NRG1: variants seen among roughly 807,000 people sequenced by gnomAD.
NRG1 encodes the protein pro-neuregulin-1, membrane-bound isoform.
In NRG1, 18 loss-of-function variants were observed where a neutral mutation model predicts 63.8. The observed-to-expected ratio is 0.28, with a 90% CI of 0.19 to 0.42. NRG1 has a LOEUF of 0.42. Among genes scored for constraint, NRG1 ranks in the 10% least tolerant of loss-of-function variants. NRG1 has a pLI of 1.00. For synonymous variants in NRG1, 302 were observed against 301.3 expected, an observed-to-expected ratio of 1.00 and a Z score of -0.02; for missense variants, 762 against 814.7, an observed-to-expected ratio of 0.94 and a Z score of 0.79.
chr8:32,341,354 G>C (rs1433528349), intron 1 of NRG1, among the ~76,000 whole-genome samples: 1 of 152,188 alleles, frequency 6.6e-6, no homozygotes. Context: ...CTTTGGCAGA[G>C]AAGAGAGAGG....
At chr8:32,664,057 T>A (rs1803529739) in intron 5 of NRG1, among the ~76,000 whole-genome samples, 1 of 152,306 alleles carries the variant, frequency 6.6e-6, no homozygotes, top group South Asian at 2.1e-4. Context: ...GTGTGTTTTA[T>A]ATTATGAATT....
intron 1 of NRG1, among the ~76,000 whole-genome samples, chr8:32,015,607 C>T (rs1049489148): frequency 6.6e-6 from 1 of 152,126 alleles, no homozygotes; most frequent in African/African-American, 2.4e-5. Context: ...CTGAAGGTGA[C>T]ACTTGTGCGC....
intron 1 of NRG1, among the ~76,000 whole-genome samples, chr8:31,751,110 C>T (rs1472766367): frequency 2.6e-5 from 4 of 151,954 alleles, no homozygotes; most frequent in Admixed American, 2.0e-4. Context: ...CTTACACAAT[C>T]ATAGGAGGTG....
chr8:32,585,211 A>G (rs916527798), intron 1 of NRG1, among the ~76,000 whole-genome samples: 1 of 151,678 alleles, frequency 6.6e-6, no homozygotes, highest in East Asian at 1.9e-4. Flanking sequence ...TAAGAAAAAA[A>G]TCCTGTTTTA....
chr8:32,155,284 G>A (rs114425435), intron 1 of NRG1, among the ~76,000 whole-genome samples: 3,052 of 152,204 alleles, frequency 0.02, 100 homozygotes, highest in African/African-American at 0.07. Context: ...GCTCCACAAA[G>A]AGACTAGATC....
At chr8:32,298,442 A>G (rs1286213851) in intron 1 of NRG1, among the ~76,000 whole-genome samples, 3 of 152,206 alleles carry the variant, frequency 2.0e-5, no homozygotes, top group Non-Finnish European at 4.4e-5. Flanking sequence ...CAAAGATGAT[A>G]TTGTTTCAAC....
At chr8:32,037,522 C>A (rs1484684040) in intron 1 of NRG1, among the ~76,000 whole-genome samples, 1 of 152,166 alleles carries the variant, frequency 6.6e-6, no homozygotes, top group East Asian at 1.9e-4. Flanking sequence ...AGCTGGCAGG[C>A]AGAAAAGAGT....
At chr8:32,370,024 T>C (rs562596438) in intron 1 of NRG1, among the ~76,000 whole-genome samples, 2 of 151,790 alleles carry the variant, frequency 1.3e-5, no homozygotes, top group Admixed American at 1.3e-4. Context: ...AAGTGCTGGT[T>C]CAGAGAAAAG....
intron 1 of NRG1, among the ~76,000 whole-genome samples, chr8:32,011,427 C>A (rs1389444598): frequency 1.3e-5 from 2 of 152,082 alleles, no homozygotes; most frequent in Non-Finnish European, 2.9e-5. Context: ...ACCTCCAGCC[C>A]ATTTTGTAAG....
chr8:32,122,536 A>G (rs552030227), intron 1 of NRG1, among the ~76,000 whole-genome samples: 17 of 152,130 alleles, frequency 1.1e-4, no homozygotes, highest in African/African-American at 4.1e-4. Flanking sequence ...TCATGGTTTT[A>G]ATACACTGAA....
chr8:31,775,665 T>TG (rs1421170364), intron 1 of NRG1, among the ~76,000 whole-genome samples: 2 of 151,890 alleles, frequency 1.3e-5, no homozygotes, highest in African/African-American at 4.8e-5. Context: ...AGGCGGATCA[T>TG]GATGTCAGGA....
At chr8:32,406,176 C>G (rs1278774664) in intron 1 of NRG1, among the ~76,000 whole-genome samples, 1 of 152,156 alleles carries the variant, frequency 6.6e-6, no homozygotes. Flanking sequence ...AACTTCAGTG[C>G]CCTCATCTTA....
intron 1 of NRG1, among the ~76,000 whole-genome samples, chr8:31,902,958 T>C (rs951993251): frequency 1.3e-5 from 2 of 152,182 alleles, no homozygotes. Flanking sequence ...ACTTCTACCT[T>C]GTTCTCCCTC....
In NRG1 at chr8:32,756,533, C is replaced by A; in HGVS notation, c.921+4C>A. On this transcript the variant is annotated splice_donor_region_variant and intron_variant, in intron 9 of 11. Coordinates refer to ENST00000356819, the Ensembl canonical transcript of NRG1. ...CGAGAATGTCCAGCTGGTGAATGTA[C>A]GTTGACTCTGGCCAGTGGAAAAAAC... 1 of 1,609,016 alleles carries A rather than the reference C, an allele frequency of 6.2e-7. No individual in the cohort carries two copies. Among genetic ancestry groups the A allele is most frequent in the Admixed American group, 1.7e-5 (1 of 59,096 alleles).
intron 1 of NRG1, among the ~76,000 whole-genome samples, chr8:32,197,976 G>A (rs541803900): frequency 6.6e-5 from 10 of 152,058 alleles, no homozygotes; most frequent in South Asian, 6.2e-4. Context: ...ACGCATGCAC[G>A]CGCACACACA....
intron 1 of NRG1, among the ~76,000 whole-genome samples, chr8:32,198,062 A>G (rs1843135381): frequency 6.6e-6 from 1 of 152,216 alleles, no homozygotes; most frequent in Non-Finnish European, 1.5e-5. Flanking sequence ...GGATTTGGGC[A>G]ATGTTTTGGC....
At position 32,749,897 on chromosome 8, in the gene NRG1, A is replaced by G. The variant is rs1828339850; in HGVS notation, c.692-4475A>G. On this transcript the variant is annotated intron_variant, in intron 7 of 11. Transcript: ENST00000356819. ...GGATCTAGCTCTGCTGTTATATAAA[A>G]GCTGGGGTAAGTAGTAGTAGCACAT... 4 of 338,280 alleles carry G rather than the reference A, an allele frequency of 1.2e-5. No individual in the cohort carries two copies. In the South Asian group the frequency reaches 1.9e-4, roughly 16 times the overall value. 21.0% of individuals were successfully genotyped at this position (338,280 alleles called of 1,614,324 possible).
chr8:31,693,947 C>G (rs1485429683), intron 1 of NRG1, among the ~76,000 whole-genome samples: 1 of 152,134 alleles, frequency 6.6e-6, no homozygotes, highest in African/African-American at 2.4e-5. Flanking sequence ...AAGCCATCCT[C>G]CCACCTTAGA....
intron 5 of NRG1, among the ~76,000 whole-genome samples, chr8:32,713,835 T>C (rs1294339476): frequency 2.7e-5 from 4 of 149,138 alleles, no homozygotes; most frequent in Non-Finnish European, 5.9e-5. Context: ...ATATATTTCT[T>C]TTTTTTTGAG....
Sources: gnomAD v4.1 joint callset for allele counts (sites outside exome capture counted in the v4.1 genomes callset) on GRCh38, gnomAD v4.1.1 for gene constraint, MANE v1.5 for transcripts, NCBI Gene and HGNC (gene_info 2026-07-23, HGNC 2026-07-21) for gene names.